The following SCFD1 variants were observed in gnomAD, a reference collection of about 807,000 sequenced individuals.
The protein encoded by SCFD1 is sec1 family domain-containing protein 1.
Under a neutral mutation model 103.2 loss-of-function variants are expected in SCFD1, and 37 were observed. That is an observed-to-expected ratio of 0.36 (90% CI 0.28 to 0.47). The LOEUF is 0.47. Ranked by LOEUF, SCFD1 falls within the 20% of genes least tolerant of loss-of-function variation. The pLI is 1.00. For synonymous variants in SCFD1, 264 were observed against 245.0 expected (o/e 1.08, Z -0.73); for missense variants, 639 against 761.2 (o/e 0.84, Z 1.89).
At chr14:30,719,965 G>T (rs1892543220) in intron 21 of SCFD1, among the ~76,000 whole-genome samples, 2 of 137,958 alleles carry the variant, frequency 1.4e-5, no homozygotes, top group African/African-American at 2.6e-5. Context: ...TGGGGGCAGG[G>T]GGGTGGGGGG....
At chr14:30,705,245 A>G (rs1019364452) in intron 17 of SCFD1, among the ~76,000 whole-genome samples, 1 of 152,200 alleles carries the variant, frequency 6.6e-6, no homozygotes, top group African/African-American at 2.4e-5. Flanking sequence ...AAGGAAATGT[A>G]CAGTTTCTAT....
At chr14:30,634,228 A>G (rs179287) in intron 4 of SCFD1, among the ~76,000 whole-genome samples, 191 bp downstream of exon 4, 71,653 of 151,792 alleles carry the variant, frequency 0.47, 19,102 homozygotes, top group African/African-American at 0.72. Context: ...AGTATTATAC[A>G]GTAGTCCTCT....
chr14:30,691,958 T>TTATC (rs1279016445), intron 14 of SCFD1, among the ~76,000 whole-genome samples: 1 of 147,644 alleles, frequency 6.8e-6, no homozygotes, highest in Non-Finnish European at 1.5e-5. Flanking sequence ...ATTTATTTAT[T>TTATC]TATTTATTTA....
chr14:30,666,073 A>G (rs888341710), intron 10 of SCFD1, among the ~76,000 whole-genome samples: 1 of 152,048 alleles, frequency 6.6e-6, no homozygotes, highest in African/African-American at 2.4e-5. Context: ...CATCTACAGA[A>G]CTCTCCACCC....
intron 15 of SCFD1, among the ~76,000 whole-genome samples, chr14:30,697,069 G>T (rs113776370): frequency 1.4e-5 from 2 of 145,676 alleles, no homozygotes; most frequent in African/African-American, 2.8e-5. Flanking sequence ...TTGTATGTTG[G>T]GGGGGGCGGT....
At chr14:30,655,314 G>T (rs1206496637) in intron 10 of SCFD1, among the ~76,000 whole-genome samples, 4 of 152,112 alleles carry the variant, frequency 2.6e-5, no homozygotes, top group Non-Finnish European at 5.9e-5. Flanking sequence ...AAATGGCAGG[G>T]CAGCCAGATG....
At chr14:30,701,727 A>G (rs1891093949) in intron 16 of SCFD1, among the ~76,000 whole-genome samples, 1 of 152,164 alleles carries the variant, frequency 6.6e-6, no homozygotes, top group South Asian at 2.1e-4. Context: ...ATGTCTTTTC[A>G]TAAATTTAAG....
intron 3 of SCFD1, among the ~76,000 whole-genome samples, chr14:30,631,485 A>G (rs1884123908): frequency 1.3e-5 from 2 of 152,238 alleles, no homozygotes; most frequent in Admixed American, 1.3e-4. Flanking sequence ...TCTATTGAAT[A>G]TGCACTGCTT....
chr14:30,629,577 AT>A (rs571309645), intron 2 of SCFD1, among the ~76,000 whole-genome samples: 11,253 of 135,422 alleles, frequency 0.083, 332 homozygotes, highest in Non-Finnish European at 0.12. Flanking sequence ...TAGGGACTTA[AT>A]TTTTTTTTTT....
At chr14:30,641,280 C>G (rs1885246797) in intron 6 of SCFD1, among the ~76,000 whole-genome samples, 1 of 152,098 alleles carries the variant, frequency 6.6e-6, no homozygotes, top group Non-Finnish European at 1.5e-5. Flanking sequence ...TCTAAACTTT[C>G]CATGGATTGG....
chr14:30,705,763 C>T (rs952892713), intron 17 of SCFD1, 60 bp from the exon 18 acceptor site: 10 of 1,280,488 alleles, frequency 7.8e-6, no homozygotes, highest in East Asian at 6.9e-5. Context: ...ATTTTAATAC[C>T]GTGACACCCA....
At chr14:30,665,856 A>T (rs1363975936) in intron 10 of SCFD1, among the ~76,000 whole-genome samples, 1 of 152,234 alleles carries the variant, frequency 6.6e-6, no homozygotes, top group African/African-American at 2.4e-5. Context: ...TTGTAAATAT[A>T]TATGCACCTA....
chr14:30,723,340 A>G (rs1892787480), intron 23 of SCFD1, among the ~76,000 whole-genome samples: 1 of 152,070 alleles, frequency 6.6e-6, no homozygotes, highest in Non-Finnish European at 1.5e-5. Flanking sequence ...GTGAACCACC[A>G]AGATATATGT....
Position 30,735,678 on chromosome 14 carries a change from G to A in SCFD1, c.*69G>A. 2 of 1,149,114 alleles carry A rather than the reference G, an allele frequency of 1.7e-6. No individual in the cohort carries two copies. Among genetic ancestry groups the A allele is most frequent in the African/African-American group, 1.6e-5 (1 of 63,964 alleles). 71.2% of individuals were successfully genotyped at this position (1,149,114 alleles called of 1,614,324 possible). A position where few individuals can be genotyped will look rare whatever the true frequency, so the allele number is the denominator to read the frequency against. On this transcript the variant is annotated 3_prime_UTR_variant, in exon 25 of 25. Transcript: ENST00000458591. ...AATGTAAAAAGAAGAAAAGTTAGAA[G>A]AGCAATATGTTTCCTTCTCTGTAAC...
intron 14 of SCFD1, among the ~76,000 whole-genome samples, chr14:30,682,016 G>T (rs932206893): frequency 6.6e-6 from 1 of 152,132 alleles, no homozygotes; most frequent in Non-Finnish European, 1.5e-5. Flanking sequence ...AGAGTGGAAA[G>T]ATTGCATATT....
chr14:30,624,205 C>T (rs1219092457), intron 1 of SCFD1, among the ~76,000 whole-genome samples: 1 of 152,186 alleles, frequency 6.6e-6, no homozygotes, highest in Non-Finnish European at 1.5e-5. Flanking sequence ...ACCTTCAGTT[C>T]AATAGGTAGA....
chr14:30,659,052 A>C (rs1887184448), intron 10 of SCFD1, among the ~76,000 whole-genome samples: 1 of 152,170 alleles, frequency 6.6e-6, no homozygotes, highest in Non-Finnish European at 1.5e-5. Flanking sequence ...CTTTTTAAAA[A>C]TAGCAGTGTT....
At chr14:30,652,909 T>C (rs943684522) in intron 9 of SCFD1, among the ~76,000 whole-genome samples, 4 of 151,844 alleles carry the variant, frequency 2.6e-5, no homozygotes, top group Non-Finnish European at 5.9e-5. Context: ...ATTGGGAGAC[T>C]GAGGTGGGAG....
At chr14:30,704,482 CCTT>C (rs1172063856) in intron 17 of SCFD1, among the ~76,000 whole-genome samples, 2 of 151,868 alleles carry the variant, frequency 1.3e-5, no homozygotes, top group African/African-American at 2.4e-5. Flanking sequence ...TTTATTTAAC[CCTT>C]CTTTGTTGTT....
Sources: gnomAD v4.1 joint callset for allele counts (sites outside exome capture counted in the v4.1 genomes callset) on GRCh38, gnomAD v4.1.1 for gene constraint, MANE v1.5 for transcripts, NCBI Gene and HGNC (gene_info 2026-07-23, HGNC 2026-07-21) for gene names.